The following UNC13B variants were observed in gnomAD, a reference collection of about 807,000 sequenced individuals.
UNC13B encodes protein unc-13 homolog B.
UNC13B carries 144 observed loss-of-function variants against 211.0 expected under a neutral mutation model. The observed-to-expected ratio is 0.68, with a 90% CI of 0.60 to 0.78. UNC13B has a LOEUF of 0.78. Ranked by LOEUF, UNC13B falls within the 30% of genes least tolerant of loss-of-function variation. The probability of loss-of-function intolerance (pLI) is 0.00; values close to 1 mark genes in which losing one functional copy is unlikely to be tolerated. For missense variants in UNC13B, 1,777 were observed against 2,002.0 expected, an observed-to-expected ratio of 0.89 and a Z score of 2.14; for synonymous variants, 709 against 725.8, an observed-to-expected ratio of 0.98 and a Z score of 0.37.
At position 35,302,684 on chromosome 9, in the gene UNC13B, C is replaced by T; in HGVS notation, c.3280C>T (p.Pro1094Ser). 1 of 398,570 alleles carries T rather than the reference C, an allele frequency of 2.5e-6. No individual in the cohort carries two copies. 24.7% of individuals were successfully genotyped at this position (398,570 alleles called of 1,614,324 possible). A position where few individuals can be genotyped will look rare whatever the true frequency, so the allele number is the denominator to read the frequency against. The stretch of plus-strand genomic sequence containing the variant: ...GCCCAAAGAACATATAACTTCAGAT[C>T]CTTTAGGAGAAGATAAGAATCTTAT... ...VVPKEHITSD[P>S]LGEDKNLIQA... is the part of the protein sequence containing the mutation. The change falls in exon 9 of 40, where the codon CCT becomes TCT. Residue 1094 changes from proline (P) to serine (S), a missense_variant. Physicochemically the swap from Pro to Ser is moderately conservative, Grantham distance 74. Coordinates refer to ENST00000635942, the MANE Select transcript of UNC13B (RefSeq NM_001371189.2).
intron 1 of UNC13B, among the ~76,000 whole-genome samples, chr9:35,216,991 G>T (rs1396997933): frequency 6.6e-6 from 1 of 152,158 alleles, no homozygotes. Flanking sequence ...GCAGATTAAT[G>T]GTTCCAATGG....
chr9:35,340,850 A>C (rs1185566207), intron 11 of UNC13B, among the ~76,000 whole-genome samples: 1 of 152,138 alleles, frequency 6.6e-6, no homozygotes, highest in Non-Finnish European at 1.5e-5. Flanking sequence ...GGGATATCAC[A>C]TTTCATGTAT....
intron 1 of UNC13B, among the ~76,000 whole-genome samples, chr9:35,203,832 C>G (rs975234955): frequency 1.3e-5 from 2 of 152,204 alleles, no homozygotes; most frequent in Non-Finnish European, 2.9e-5. Flanking sequence ...AAGAAAAACC[C>G]CATTTTCAGT....
At chr9:35,262,243 TCTTTCCTTTCCCTTC>T (rs1371643015) in intron 7 of UNC13B, among the ~76,000 whole-genome samples, 1 of 151,966 alleles carries the variant, frequency 6.6e-6, no homozygotes, top group African/African-American at 2.4e-5. Context: ...TCTCCTTCCT[TCTTTCCTTTCCCTTC>T]CTTTCCTTTC....
chr9:35,169,261 G>C (rs1276791656), intron 1 of UNC13B, among the ~76,000 whole-genome samples: 3 of 152,158 alleles, frequency 2.0e-5, no homozygotes, highest in Admixed American at 6.5e-5. Context: ...AGGCGAGGCA[G>C]GAGGATGGCT....
chr9:35,376,071 C>T lies in UNC13B; in HGVS notation c.9659C>T (p.Pro3220Leu). The T allele has an allele frequency of 6.2e-7, 1 of 1,614,218 alleles. No homozygotes were observed. The highest frequency in any genetic ancestry group is 8.5e-7 in the Non-Finnish European group (1 of 1,180,044). ...YKKTLQALIY[P>L]ISCTTPHNFE... ...AAAACCCTGCAGGCCTTAATCTACC[C>T]CATTTCGTGCACCACTCCTCATAAC... is the stretch of plus-strand genomic sequence containing the variant. The change falls in exon 15 of 40, where the codon CCC becomes CTC. Residue 3220 changes from proline to leucine, a missense_variant. Transcript: ENST00000635942.
At chr9:35,278,314 G>T (rs1828291431) in intron 7 of UNC13B, among the ~76,000 whole-genome samples, 1 of 152,140 alleles carries the variant, frequency 6.6e-6, no homozygotes, top group Non-Finnish European at 1.5e-5. Context: ...ATGTGTCGTA[G>T]AATTGAAAGT....
At chr9:35,227,367 T>C (rs1824908090) in intron 1 of UNC13B, among the ~76,000 whole-genome samples, 1 of 152,172 alleles carries the variant, frequency 6.6e-6, no homozygotes, top group Admixed American at 6.5e-5. Context: ...TTTTTTCTCC[T>C]GTGGCACGTA....
In UNC13B at chr9:35,215,221, C is replaced by T. The variant is rs143676313; in HGVS notation, c.23-12794C>T. 2.8e-3 allele frequency among the ~76,000 whole-genome samples: 426 copies of T among 152,170 alleles called. 2 individuals are homozygous for T. The highest frequency in any genetic ancestry group is 4.7e-3 in the Non-Finnish European group (321 of 67,994). On this transcript the variant is annotated intron_variant, in intron 1 of 39. Transcript: ENST00000635942. ...AAGAGTTTGAGACCAGCCTGGGCAA[C>T]ATAGACCCTGTTTCTACAAAAAATT... is the stretch of plus-strand genomic sequence containing the variant.
At chr9:35,325,834 C>G (rs750952553) in intron 11 of UNC13B, among the ~76,000 whole-genome samples, 3 of 152,222 alleles carry the variant, frequency 2.0e-5, no homozygotes, top group Non-Finnish European at 4.4e-5. Context: ...ATGTGGCCTA[C>G]TGTGTCTGGA....
intron 22 of UNC13B, chr9:35,385,466 A>G: frequency 1.0e-6 from 1 of 985,442 alleles, no homozygotes; most frequent in Non-Finnish European, 1.2e-6. Context: ...GTGCTTATAC[A>G]TTGCATGGGA....
At chr9:35,163,782 A>C (rs1365602051) in intron 1 of UNC13B, among the ~76,000 whole-genome samples, 1 of 152,228 alleles carries the variant, frequency 6.6e-6, no homozygotes, top group Admixed American at 6.5e-5. Flanking sequence ...TTCATTGTCT[A>C]GAAATTCTGC....
chr9:35,252,617 A>G (rs1320179217), intron 6 of UNC13B, among the ~76,000 whole-genome samples: 1 of 151,674 alleles, frequency 6.6e-6, no homozygotes, highest in Non-Finnish European at 1.5e-5. Context: ...TGATAGTCTA[A>G]TTATATTATC....
intron 6 of UNC13B, among the ~76,000 whole-genome samples, chr9:35,247,061 TC>T (rs1261443708): frequency 6.6e-6 from 1 of 152,170 alleles, no homozygotes; most frequent in Middle Eastern, 3.2e-3. Context: ...CTTGAAGAGG[TC>T]CTTCACATCC....
chr9:35,211,290 G>A (rs912346545), intron 1 of UNC13B, among the ~76,000 whole-genome samples: 2 of 152,150 alleles, frequency 1.3e-5, no homozygotes, highest in African/African-American at 2.4e-5. Context: ...ATAAGCATAT[G>A]TGTGCCTGTC....
At chr9:35,312,553 G>A (rs1314435241) in intron 10 of UNC13B, among the ~76,000 whole-genome samples, 2 of 152,172 alleles carry the variant, frequency 1.3e-5, no homozygotes, top group African/African-American at 4.8e-5. Context: ...TTCTCTACTG[G>A]TTGTGTCCTC....
intron 24 of UNC13B, among the ~76,000 whole-genome samples, chr9:35,389,469 GCTGC>G (rs1310180306): frequency 2.6e-5 from 4 of 152,166 alleles, no homozygotes; most frequent in Non-Finnish European, 5.9e-5. Context: ...GAAGAGGAGG[GCTGC>G]CTGCCTGTAG....
intron 1 of UNC13B, among the ~76,000 whole-genome samples, chr9:35,194,215 C>T (rs973204995): frequency 8.5e-5 from 13 of 152,298 alleles, no homozygotes; most frequent in African/African-American, 2.6e-4. Context: ...TCCCCTACAA[C>T]GTTTCCTGAT....
chr9:35,277,570 A>G (rs1486210233), intron 7 of UNC13B, among the ~76,000 whole-genome samples: 1 of 151,976 alleles, frequency 6.6e-6, no homozygotes, highest in African/African-American at 2.4e-5. Context: ...GAGCTTATCC[A>G]TTATAGAGCT....
Sources: allele counts gnomAD v4.1 joint callset (sites outside exome capture counted in the v4.1 genomes callset), GRCh38; gene constraint gnomAD v4.1.1; transcripts MANE v1.5; gene names NCBI Gene and HGNC (gene_info 2026-07-23, HGNC 2026-07-21).